Variants in FMNL2 observed in about 807,000 individuals in gnomAD.
The protein encoded by FMNL2 is formin-like protein 2.
A neutral mutation model predicts 130.2 loss-of-function variants in FMNL2; 51 were observed. That is an observed-to-expected ratio of 0.39 (90% CI 0.31 to 0.49). The LOEUF (loss-of-function observed/expected upper bound fraction) is 0.49, where lower values mean the gene tolerates loss of function less well. Ranked by LOEUF, FMNL2 falls within the 20% of genes least tolerant of loss-of-function variation. The pLI, the probability that FMNL2 is intolerant of heterozygous loss-of-function variation, is 0.85. For synonymous variants in FMNL2, 465 were observed against 467.1 expected, an observed-to-expected ratio of 1.00 and a Z score of 0.06; for missense variants, 977 against 1,316.2, an observed-to-expected ratio of 0.74 and a Z score of 3.99.
intron 1 of FMNL2, among the ~76,000 whole-genome samples, chr2:152,446,355 A>C (rs1688336925): frequency 6.6e-6 from 1 of 152,254 alleles, no homozygotes; most frequent in Admixed American, 6.5e-5. Flanking sequence ...AGCATATTGG[A>C]ATATTTACAG....
chr2:152,572,933 A>G (rs905876972), intron 6 of FMNL2, among the ~76,000 whole-genome samples: 1 of 152,176 alleles, frequency 6.6e-6, no homozygotes, highest in Non-Finnish European at 1.5e-5. Flanking sequence ...AACCCATGGC[A>G]CAGTCCCTAA....
chr2:152,347,928 G>GTTT (rs11384938), intron 1 of FMNL2, among the ~76,000 whole-genome samples: 4 of 148,224 alleles, frequency 2.7e-5, no homozygotes, highest in Non-Finnish European at 4.5e-5. Context: ...TAACTTGGAA[G>GTTT]TTTTTTTTTT....
chr2:152,416,045 C>T (rs1686591521), intron 1 of FMNL2, among the ~76,000 whole-genome samples: 1 of 152,030 alleles, frequency 6.6e-6, no homozygotes, highest in Non-Finnish European at 1.5e-5. Flanking sequence ...TTGGAAAAAC[C>T]CCACTTATTG....
At chr2:152,485,694 T>C (rs1216975107) in intron 1 of FMNL2, among the ~76,000 whole-genome samples, 1 of 152,220 alleles carries the variant, frequency 6.6e-6, no homozygotes, top group East Asian at 1.9e-4. Flanking sequence ...TTAACATAAA[T>C]ATGGGAGGAG....
At chr2:152,378,359 A>G (rs1684283913) in intron 1 of FMNL2, among the ~76,000 whole-genome samples, 1 of 152,196 alleles carries the variant, frequency 6.6e-6, no homozygotes. Context: ...AACAGCATTT[A>G]TACTTTATTT....
intron 1 of FMNL2, among the ~76,000 whole-genome samples, chr2:152,466,377 T>C (rs1689536786): frequency 6.6e-6 from 1 of 152,218 alleles, no homozygotes; most frequent in Admixed American, 6.5e-5. Context: ...TTCTTTTCTG[T>C]CTTTATTTGT....
In FMNL2 at chr2:152,335,554, C is replaced by G; in HGVS notation, c.-50C>G. ...CGCCGGGAGCTGTTCTGATTTCCGACGCGCACGCTAGGGGCCCGGAGCAGC... is the reference window on the plus strand; with the variant it reads ...CGCCGGGAGCTGTTCTGATTTCCGAGGCGCACGCTAGGGGCCCGGAGCAGC... On this transcript the variant is annotated 5_prime_UTR_variant, in exon 1 of 26. Coordinates refer to ENST00000288670, the MANE Select transcript of FMNL2 (RefSeq NM_052905.4). 2.0e-6 allele frequency: 3 copies of G among 1,491,098 alleles called. No individual in the cohort carries two copies. The South Asian group carries it at 3.5e-5, about 18-fold the overall frequency. The allele number at this position is 1,491,098 out of a possible 1,614,324, so 92.4% of individuals were successfully genotyped here. A position where few individuals can be genotyped will look rare whatever the true frequency, so the allele number is the denominator to read the frequency against.
chr2:152,336,874 G>A (rs1462291943), intron 1 of FMNL2, among the ~76,000 whole-genome samples: 2 of 152,322 alleles, frequency 1.3e-5, no homozygotes, highest in Non-Finnish European at 2.9e-5. Flanking sequence ...GTGCCTGCCT[G>A]CGGGTTTTCT....
At chr2:152,420,297 G>C (rs965468765) in intron 1 of FMNL2, among the ~76,000 whole-genome samples, 3 of 152,280 alleles carry the variant, frequency 2.0e-5, no homozygotes, top group African/African-American at 7.2e-5. Context: ...AAGCCAAATG[G>C]AACTGTTGGT....
intron 1 of FMNL2, among the ~76,000 whole-genome samples, chr2:152,423,925 T>C (rs1022104472): frequency 6.6e-6 from 1 of 152,132 alleles, no homozygotes; most frequent in African/African-American, 2.4e-5. Flanking sequence ...CAAATGGTTG[T>C]ATTATAGTTG....
At chr2:152,580,434 A>G (rs1281716677) in intron 8 of FMNL2, among the ~76,000 whole-genome samples, 7 of 152,250 alleles carry the variant, frequency 4.6e-5, no homozygotes. Context: ...CGTAGGAAGA[A>G]GAAAGGACAG....
intron 1 of FMNL2, among the ~76,000 whole-genome samples, chr2:152,477,639 G>T (rs937202390): frequency 2.0e-5 from 3 of 152,074 alleles, no homozygotes; most frequent in Non-Finnish European, 4.4e-5. Flanking sequence ...AGCTTCTCAG[G>T]TCCTAGCCAA....
At chr2:152,535,152 G>A (rs931072670) in intron 2 of FMNL2, among the ~76,000 whole-genome samples, 3 of 152,130 alleles carry the variant, frequency 2.0e-5, no homozygotes, top group African/African-American at 7.2e-5. Flanking sequence ...ATCCACTGTC[G>A]TTTGTTCTGA....
At chr2:152,431,034 A>G (rs1394197259) in intron 1 of FMNL2, among the ~76,000 whole-genome samples, 2 of 152,140 alleles carry the variant, frequency 1.3e-5, no homozygotes, top group Non-Finnish European at 2.9e-5. Context: ...TTTGCTTTAC[A>G]AGGGGCAGAA....
At chr2:152,552,910 T>G (rs1579946387) in intron 4 of FMNL2, among the ~76,000 whole-genome samples, 1 of 152,212 alleles carries the variant, frequency 6.6e-6, no homozygotes, top group East Asian at 1.9e-4. Flanking sequence ...TGCAGGGAAT[T>G]TATTGTAGTA....
intron 1 of FMNL2, among the ~76,000 whole-genome samples, chr2:152,518,237 A>G (rs986700212): frequency 6.6e-6 from 1 of 152,224 alleles, no homozygotes. Context: ...GATTTTAAAT[A>G]GAACTGCTTC....
intron 1 of FMNL2, among the ~76,000 whole-genome samples, chr2:152,420,908 GAA>G (rs1265537030): frequency 6.6e-6 from 1 of 152,200 alleles, no homozygotes; most frequent in Non-Finnish European, 1.5e-5. Flanking sequence ...CTAGGAGTAG[GAA>G]GAACTGGGTT....
chr2:152,559,365 T>G (rs542194006), intron 5 of FMNL2, among the ~76,000 whole-genome samples: 1 of 152,186 alleles, frequency 6.6e-6, no homozygotes, highest in South Asian at 2.1e-4. Context: ...AAAACTGGAG[T>G]GCAGTGGCAT....
intron 1 of FMNL2, among the ~76,000 whole-genome samples, chr2:152,439,356 G>A (rs995438845): frequency 1.9e-4 from 29 of 152,126 alleles, no homozygotes; most frequent in African/African-American, 2.4e-5. Context: ...CAAGGTTCAA[G>A]GTTTATTTTT....
Sources: allele counts gnomAD v4.1 joint callset (sites outside exome capture counted in the v4.1 genomes callset), GRCh38; gene constraint gnomAD v4.1.1; transcripts MANE v1.5; gene names NCBI Gene and HGNC (gene_info 2026-07-23, HGNC 2026-07-21).